Variants in UHRF1 observed in about 807,000 individuals in gnomAD.
The protein encoded by UHRF1 is ubiquitin like with PHD and ring finger domains 1.
A neutral mutation model predicts 96.5 loss-of-function variants in UHRF1; 9 were observed. That is an observed-to-expected ratio of 0.09 (90% CI 0.06 to 0.16). The LOEUF is 0.16. Ranked by LOEUF, UHRF1 falls within the 10% of genes least tolerant of loss-of-function variation. The pLI, the probability that UHRF1 is intolerant of heterozygous loss-of-function variation, is 1.00. For missense variants in UHRF1, 626 were observed against 1,131.1 expected (o/e 0.55, Z 6.40); for synonymous variants, 455 against 469.9 (o/e 0.97, Z 0.41).
At chr19:4,940,451 C>G (rs1018205355) in intron 5 of UHRF1, among the ~76,000 whole-genome samples, 4 of 142,648 alleles carry the variant, frequency 2.8e-5, no homozygotes, top group African/African-American at 7.7e-5. Flanking sequence ...TCCACAACCT[C>G]CATTTCCCAG....
In UHRF1 at chr19:4,941,842, C is replaced by T. The variant is rs746252197; in HGVS notation, c.984C>T (p.Asp328=). Residue 328 remains aspartate (D), a synonymous_variant, in exon 7 of 17, where the codon GAC becomes GAT. Coordinates refer to ENST00000650932, the MANE Select transcript of UHRF1 (RefSeq NM_001048201.3). The part of the protein sequence containing the change: ...CHLCGGRQDP[D]KQLMCDECDM... The stretch of plus-strand genomic sequence containing the variant: ...TGTGCGGGGGCCGGCAGGACCCCGA[C>T]AAGCAGCTCATGTGCGATGAGTGCG... 9.7e-5 allele frequency: 152 copies of T among 1,574,886 alleles called. 3 individuals are homozygous for T. The South Asian group carries it at 1.7e-3, about 17-fold the overall frequency.
chr19:4,949,870 C>T (rs551677432), intron 11 of UHRF1, among the ~76,000 whole-genome samples: 35 of 151,270 alleles, frequency 2.3e-4, no homozygotes, highest in African/African-American at 6.3e-4. Context: ...TGTGTGTGTG[C>T]TTTGTTTTGT....
intron 13 of UHRF1, among the ~76,000 whole-genome samples, chr19:4,953,147 C>G (rs903334033): frequency 2.0e-5 from 3 of 152,174 alleles, no homozygotes; most frequent in Admixed American, 6.6e-5. Flanking sequence ...ATTATCTCCT[C>G]TTAGTCTCCT....
At chr19:4,947,744 T>G (rs1453286078) in intron 11 of UHRF1, among the ~76,000 whole-genome samples, 1 of 150,366 alleles carries the variant, frequency 6.7e-6, no homozygotes, top group East Asian at 2.0e-4. Flanking sequence ...CAGGTGATCT[T>G]CCCTCCTCGG....
chr19:4,914,563 C>T (rs994030354), intron 2 of UHRF1, among the ~76,000 whole-genome samples: 4 of 151,560 alleles, frequency 2.6e-5, no homozygotes, highest in African/African-American at 4.8e-5. Flanking sequence ...ACTTGATGGG[C>T]GGGAACGCAG....
chr19:4,938,215 G>A (rs1385646931), intron 5 of UHRF1, among the ~76,000 whole-genome samples: 2 of 152,064 alleles, frequency 1.3e-5, no homozygotes, highest in Non-Finnish European at 1.5e-5. Context: ...ATGTCTTCTG[G>A]AGGAGCTTTT....
At chr19:4,906,845 C>T (rs2032073951), upstream of UHRF1, among the ~76,000 whole-genome samples, 2 of 152,218 alleles carry the variant, frequency 1.3e-5, no homozygotes, top group South Asian at 4.1e-4. Flanking sequence ...ATGATGTGTT[C>T]TGATAGAAAT....
At chr19:4,911,380 G>T (rs1039949206) in intron 2 of UHRF1, among the ~76,000 whole-genome samples, 2 of 152,154 alleles carry the variant, frequency 1.3e-5, no homozygotes, top group African/African-American at 4.8e-5. Flanking sequence ...TCGAGAAAGG[G>T]CCCAGGACCA....
chr19:4,955,905 G>A (rs2033845628), intron 15 of UHRF1, among the ~76,000 whole-genome samples: 1 of 152,092 alleles, frequency 6.6e-6, no homozygotes, highest in South Asian at 2.1e-4. Context: ...CCCAGGCCAC[G>A]CCTATGTTTT....
Position 4,913,067 on chromosome 19 carries a change from T to C in UHRF1, c.153+2029T>C, listed in dbSNP as rs564527376. ...CAGTGCCGGACCTAAAAGCTTTGTC[T>C]ATAGTGAAACAGATGTTAGACAGAC... On this transcript the variant is annotated intron_variant, in intron 2 of 16. Transcript: ENST00000650932. Among the ~76,000 whole-genome samples the C allele has an allele frequency of 2.0e-5, 3 of 152,174 alleles. No individual in the cohort carries two copies. The South Asian group carries it at 6.2e-4, about 32-fold the overall frequency.
At chr19:4,941,218 G>GTAGC (rs1404648653) in intron 5 of UHRF1, among the ~76,000 whole-genome samples, 1 of 150,788 alleles carries the variant, frequency 6.6e-6, no homozygotes, top group Non-Finnish European at 1.5e-5. Flanking sequence ...AGCCTCCCGA[G>GTAGC]TAGCTGGGAT....
Position 4,950,862 on chromosome 19 carries a change from G to T in UHRF1, c.1684G>T (p.Val562Leu). The change falls in exon 13 of 17, where the codon GTG becomes TTG. Residue 562 changes from valine (V) to leucine (L), a missense_variant. Coordinates refer to ENST00000650932, the MANE Select transcript of UHRF1 (RefSeq NM_001048201.3). ...CGCTGATGCCCGCTCTCTGCAGGTT[G>T]TGAAATACTGGCCCGAGAAGGGGAA... Reference protein sequence around the residue: ...GNRYDGIYKVVKYWPEKGKSG... With the variant: ...GNRYDGIYKVLKYWPEKGKSG... The T allele has an allele frequency of 6.2e-7, 1 of 1,613,994 alleles. No individual in the cohort carries two copies. The highest frequency in any genetic ancestry group is 1.1e-5 in the South Asian group (1 of 91,080).
At chr19:4,923,214 G>T (rs2032758318) in intron 2 of UHRF1, among the ~76,000 whole-genome samples, 1 of 152,044 alleles carries the variant, frequency 6.6e-6, no homozygotes, top group South Asian at 2.1e-4. Flanking sequence ...TCTCCTCCCC[G>T]ACTTGTCCTC....
intron 2 of UHRF1, among the ~76,000 whole-genome samples, chr19:4,913,194 T>G (rs1263818786): frequency 6.6e-6 from 1 of 151,728 alleles, no homozygotes; most frequent in Non-Finnish European, 1.5e-5. Flanking sequence ...CTGTCACATT[T>G]CTAAGTTTAG....
chr19:4,904,633 C>A (rs2032027977), upstream of UHRF1, among the ~76,000 whole-genome samples: 1 of 152,166 alleles, frequency 6.6e-6, no homozygotes, highest in Non-Finnish European at 1.5e-5. Flanking sequence ...TCTCTTTATG[C>A]CTGCATCTCC....
In UHRF1 at chr19:4,952,394, T is replaced by C. The variant is rs918882134; in HGVS notation, c.1818+1398T>C. Among the ~76,000 whole-genome samples, 131 of 17,882 alleles carry C rather than the reference T, an allele frequency of 7.3e-3. 3 individuals are homozygous for C. The South Asian group carries it at 0.22, about 30-fold the overall frequency. 11.7% of individuals were successfully genotyped at this position (17,882 alleles called of 152,430 possible). A position where few individuals can be genotyped will look rare whatever the true frequency, so the allele number is the denominator to read the frequency against. On this transcript the variant is annotated intron_variant, in intron 13 of 16. Transcript: ENST00000650932. Reference sequence around the variant, plus strand: ...CAGGCGTAAGCCACCGCTCCCAGCCTTTTTTTTTTTTTTTTTTTGGAGACA... The same window carrying C: ...CAGGCGTAAGCCACCGCTCCCAGCCCTTTTTTTTTTTTTTTTTTGGAGACA...
At position 4,930,830 on chromosome 19, in the gene UHRF1, A is replaced by G; in HGVS notation, c.523A>G (p.Arg175Gly). The G allele has an allele frequency of 6.2e-6, 10 of 1,613,954 alleles. No individual in the cohort carries two copies. Among genetic ancestry groups the G allele is most frequent in the Non-Finnish European group, 8.5e-6 (10 of 1,179,884 alleles). ...SRDEPCSSTS[R>G]PALEEDVIYH... The stretch of plus-strand genomic sequence containing the variant: ...GGACGAGCCCTGCAGCTCCACGTCC[A>G]GGCCGGCGCTGGAGGAGGACGTCAT... Residue 175 changes from arginine to glycine, a missense_variant, in exon 4 of 17, where the codon AGG becomes GGG. By Grantham distance (125) the Arg-to-Gly change is moderately radical. Coordinates refer to ENST00000650932, the MANE Select transcript of UHRF1 (RefSeq NM_001048201.3). This position sits in a 1 kb window ranked among gnomAD's most constrained non-coding sequence, Gnocchi z 4.4.
chr19:4,932,685 T>C (rs531808870), intron 4 of UHRF1, 56 bp from the exon 5 acceptor site: 57 of 1,589,232 alleles, frequency 3.6e-5, no homozygotes, highest in South Asian at 3.1e-4. Flanking sequence ...CGTTTCCCAT[T>C]GAGGGAAGGA....
At chr19:4,932,449 A>C (rs1235926449) in intron 4 of UHRF1, among the ~76,000 whole-genome samples, 1 of 152,230 alleles carries the variant, frequency 6.6e-6, no homozygotes, top group Admixed American at 6.5e-5. Context: ...ATATGATTTC[A>C]TCTGCAAAGG....
Sources: gnomAD v4.1 joint callset for allele counts (sites outside exome capture counted in the v4.1 genomes callset) on GRCh38, gnomAD v4.1.1 for gene constraint, Gnocchi (gnomAD v3.1) non-coding constraint, MANE v1.5 for transcripts, NCBI Gene and HGNC (gene_info 2026-07-23, HGNC 2026-07-21) for gene names.